Variants in TAF12 observed in about 807,000 individuals in gnomAD.
TAF12 encodes the protein transcription initiation factor TFIID subunit 12.
In TAF12, 3 loss-of-function variants were observed where a neutral mutation model predicts 20.8. The observed-to-expected ratio is 0.14, with a 90% CI of 0.07 to 0.37. TAF12 has a LOEUF of 0.37. Among genes scored for constraint, TAF12 ranks in the 10% least tolerant of loss-of-function variants. The pLI is 1.00. For missense variants in TAF12, 131 were observed against 197.9 expected (o/e 0.66, Z 2.03); for synonymous variants, 69 against 70.2 (o/e 0.98, Z 0.09).
intron 3 of TAF12, among the ~76,000 whole-genome samples, chr1:28,616,848 G>A (rs770036759): frequency 2.6e-5 from 4 of 151,992 alleles, no homozygotes; most frequent in African/African-American, 4.8e-5. Context: ...GGCCAGGCAC[G>A]GTGACTCACA....
intron 5 of TAF12, among the ~76,000 whole-genome samples, chr1:28,604,755 C>T (rs1468655984): frequency 6.6e-6 from 1 of 152,174 alleles, no homozygotes; most frequent in East Asian, 1.9e-4. Context: ...ATCAGAGTAG[C>T]CACTTAAGTT....
chr1:28,648,208 C>G (rs1336035054), exon 1 of TAF12: 3 of 985,200 alleles, frequency 3.0e-6, no homozygotes, highest in Non-Finnish European at 3.6e-6. Context: ...TACCTACAGC[C>G]GCTGAGAGCC....
At chr1:28,637,719 CTTAAA>C (rs1209281490) in intron 1 of TAF12, among the ~76,000 whole-genome samples, 2 of 152,144 alleles carry the variant, frequency 1.3e-5, no homozygotes, top group African/African-American at 2.4e-5. Flanking sequence ...CCCTGTCTGA[CTTAAA>C]TTAAGTCCAT....
intron 4 of TAF12, among the ~76,000 whole-genome samples, chr1:28,611,840 A>G (rs1666871025): frequency 6.6e-6 from 1 of 152,136 alleles, no homozygotes; most frequent in Non-Finnish European, 1.5e-5. Flanking sequence ...CCTTCAAGAC[A>G]ATCTCAGGCC....
At chr1:28,603,708 C>A (rs1419136070) in intron 5 of TAF12, 134 bp from the exon 6 acceptor site, 4 of 815,946 alleles carry the variant, frequency 4.9e-6, no homozygotes, top group East Asian at 2.5e-5. Flanking sequence ...AGTCACAAGG[C>A]ATCTCAGTAG....
At chr1:28,616,252 C>T (rs1184947216) in intron 3 of TAF12, among the ~76,000 whole-genome samples, 5 of 150,772 alleles carry the variant, frequency 3.3e-5, no homozygotes, top group Non-Finnish European at 5.9e-5. Flanking sequence ...CGAAATTAGT[C>T]AGGTATGGTG....
chr1:28,620,708 C>T (rs965295191), intron 2 of TAF12, among the ~76,000 whole-genome samples: 1 of 152,308 alleles, frequency 6.6e-6, no homozygotes, highest in African/African-American at 2.4e-5. Context: ...GCTGGGATTA[C>T]AGGCTTGAGC....
upstream of TAF12, chr1:28,643,647 G>A (rs1668113796): frequency 6.6e-6 from 1 of 152,214 alleles, no homozygotes; most frequent in African/African-American, 2.4e-5. Context: ...GAGAGATTAA[G>A]CAAAGTTCTA....
chr1:28,633,164 CTT>C (rs769194043), intron 1 of TAF12, among the ~76,000 whole-genome samples: 16 of 117,520 alleles, frequency 1.4e-4, no homozygotes, highest in Non-Finnish European at 1.2e-4. Flanking sequence ...GCCCGGCCTA[CTT>C]TTTTTTTTTT....
chr1:28,643,655 C>G (rs1668114025), upstream of TAF12: 1 of 152,222 alleles, frequency 6.6e-6, no homozygotes. Flanking sequence ...AAGCAAAGTT[C>G]TAGCTAATAA....
intron 1 of TAF12, among the ~76,000 whole-genome samples, chr1:28,622,990 G>A (rs981531498): frequency 4.0e-5 from 6 of 151,214 alleles, no homozygotes; most frequent in African/African-American, 1.5e-4. Flanking sequence ...TCACGCCACT[G>A]TACTCCAGCC....
intron 5 of TAF12, 79 bp from the exon 6 acceptor site, chr1:28,603,653 A>ATTCTGGAACATTCTGTGT: frequency 6.7e-7 from 1 of 1,481,998 alleles, no homozygotes; most frequent in Non-Finnish European, 9.4e-7. Context: ...TGTGGCTAGC[A>ATTCTGGAACATTCTGTGT]GGCCTCATGG....
chr1:28,647,868 C>T (rs944751883), upstream of TAF12, among the ~76,000 whole-genome samples: 2 of 74,182 alleles, frequency 2.7e-5, no homozygotes, highest in African/African-American at 4.4e-5. Flanking sequence ...AGCGAGACTC[C>T]GTCTCAAAAA....
At chr1:28,619,647 G>GAAAAA (rs56098932) in intron 2 of TAF12, among the ~76,000 whole-genome samples, 1 of 59,466 alleles carries the variant, frequency 1.7e-5, no homozygotes, top group Non-Finnish European at 3.2e-5. Flanking sequence ...AAATTCCACT[G>GAAAAA]AAAAAAAAAA....
rs1407543995 is a variant in TAF12 at position 28,602,958 on chromosome 1, T to G, written c.*581A>C. ...ACTCCTGCTGATGTTATGGCCTCCC[T>G]TGGGGTAAAATGATGGAAAATCCCT... On this transcript the variant is annotated 3_prime_UTR_variant, in exon 6 of 6. Transcript: ENST00000373824. 1 of 152,264 alleles carries G rather than the reference T, an allele frequency of 6.6e-6. No homozygotes were observed. The highest frequency in any genetic ancestry group is 1.9e-4 in the East Asian group (1 of 5,198). The allele number at this position is 152,264 out of a possible 1,614,324, so 9.4% of individuals were successfully genotyped here.
chr1:28,628,326 C>T (rs1474756999), intron 1 of TAF12, among the ~76,000 whole-genome samples: 1 of 148,106 alleles, frequency 6.8e-6, no homozygotes, highest in Non-Finnish European at 1.5e-5. Flanking sequence ...GATTGCGCCA[C>T]TGCACTCCAG....
At chr1:28,642,723 A>T in intron 1 of TAF12, 1 of 985,184 alleles carries the variant, frequency 1.0e-6, no homozygotes, top group South Asian at 4.7e-5. Flanking sequence ...GCGGGTCCTC[A>T]TAATCCTGCT....
intron 1 of TAF12, among the ~76,000 whole-genome samples, chr1:28,622,688 G>A (rs1293466197): frequency 6.6e-6 from 1 of 151,990 alleles, no homozygotes; most frequent in Non-Finnish European, 1.5e-5. Flanking sequence ...AGGAGTTCAA[G>A]ACCAGCCTGG....
At chr1:28,637,185 A>G (rs1045663697) in intron 1 of TAF12, among the ~76,000 whole-genome samples, 5 of 152,190 alleles carry the variant, frequency 3.3e-5, no homozygotes, top group Non-Finnish European at 7.3e-5. Flanking sequence ...GCTGGATGCC[A>G]TCTTTGGTCA....
Sources: allele counts gnomAD v4.1 joint callset (sites outside exome capture counted in the v4.1 genomes callset), GRCh38; gene constraint gnomAD v4.1.1; transcripts MANE v1.5; gene names NCBI Gene and HGNC (gene_info 2026-07-23, HGNC 2026-07-21).